The following GRK4 variants were observed in gnomAD, a reference collection of about 807,000 sequenced individuals.
GRK4 encodes the protein G protein-coupled receptor kinase 2-like.
GRK4 carries 73 observed loss-of-function variants against 77.9 expected under a neutral mutation model. The ratio of observed to expected loss-of-function variants is 0.94; its 90% CI spans 0.78 to 1.14. The LOEUF is 1.14. Among genes scored for constraint, GRK4 ranks in the 50% most tolerant of loss-of-function variants. GRK4 has a pLI of 0.00. For missense variants in GRK4, 729 were observed against 700.2 expected (o/e 1.04, Z -0.46); for synonymous variants, 257 against 254.4 (o/e 1.01, Z -0.10).
intron 12 of GRK4, among the ~76,000 whole-genome samples, chr4:3,032,219 C>T (rs920195722): frequency 1.3e-5 from 2 of 151,828 alleles, no homozygotes; most frequent in African/African-American, 4.8e-5. Context: ...TGCGGTGGCT[C>T]ATGCTATAAT....
intron 1 of GRK4, among the ~76,000 whole-genome samples, chr4:2,981,543 A>G (rs757186398): frequency 9.9e-5 from 15 of 152,222 alleles, no homozygotes; most frequent in Non-Finnish European, 1.8e-4. Flanking sequence ...CCCTCAGTGG[A>G]AAGGAGACCC....
At chr4:3,028,711 T>A (rs575567127) in intron 11 of GRK4, among the ~76,000 whole-genome samples, 13 of 152,302 alleles carry the variant, frequency 8.5e-5, no homozygotes, top group African/African-American at 3.1e-4. Context: ...TTGAAGTGTG[T>A]AATACAACGG....
intron 10 of GRK4, 51 bp from the exon 11 acceptor site, chr4:3,027,861 G>T (rs2857844): frequency 1.4e-6 from 2 of 1,441,104 alleles, no homozygotes; most frequent in Non-Finnish European, 1.9e-6. Context: ...TTGTTGTTAC[G>T]GTGTCATTAC....
In GRK4 at chr4:2,965,436, G is replaced by A. The variant is rs189215632; in HGVS notation, c.52+1314G>A. ...TTCTTCACACCCCGTCACTCTTACGGAATTGCTGATTTCCTCTATTTCCTT... is the reference window on the plus strand; with the variant it reads ...TTCTTCACACCCCGTCACTCTTACGAAATTGCTGATTTCCTCTATTTCCTT... On this transcript the variant is annotated intron_variant, in intron 1 of 15. Transcript: ENST00000398052. The A allele has an allele frequency of 3.2e-4, 224 of 703,054 alleles. 1 individual carries two copies. In the African/African-American group the frequency reaches 3.2e-3, roughly 10 times the overall value. 43.6% of individuals were successfully genotyped at this position (703,054 alleles called of 1,614,324 possible).
At chr4:2,991,884 A>G (rs1333428567) in intron 3 of GRK4, among the ~76,000 whole-genome samples, 1 of 152,134 alleles carries the variant, frequency 6.6e-6, no homozygotes, top group African/African-American at 2.4e-5. Flanking sequence ...CTAAAACTTC[A>G]TTAACCTCCT....
chr4:3,025,951 A>T (rs1169469876), intron 10 of GRK4, among the ~76,000 whole-genome samples: 2 of 152,230 alleles, frequency 1.3e-5, no homozygotes, highest in Non-Finnish European at 2.9e-5. Flanking sequence ...TACGGTGGAG[A>T]TGGCTCTGCA....
chr4:3,035,379 C>G lies in GRK4; in HGVS notation c.1270-7C>G, dbSNP rs1320431478. 5.6e-6 allele frequency: 9 copies of G among 1,613,790 alleles called. No homozygotes were observed. The Admixed American group carries it at 8.3e-5, about 15-fold the overall frequency. ...GCTCAAGTGGGTTGCATTTCTGCCTCTTGCAGTTACTCACCAAGAATCCAA... is the reference window on the plus strand; with the variant it reads ...GCTCAAGTGGGTTGCATTTCTGCCTGTTGCAGTTACTCACCAAGAATCCAA... On this transcript the variant is annotated splice_polypyrimidine_tract_variant and splice_region_variant and intron_variant, in intron 12 of 15. Transcript: ENST00000398052.
chr4:3,004,154 C>A, intron 4 of GRK4, 77 bp from the exon 5 acceptor site: 1 of 1,039,350 alleles, frequency 9.6e-7, no homozygotes, highest in South Asian at 1.4e-5. Flanking sequence ...CATTTTTTTA[C>A]AATAAGCATT....
In GRK4 at chr4:3,038,480, C is replaced by G; in HGVS notation, c.1650C>G (p.Asn550Lys). 6.2e-7 allele frequency: 1 copy of G among 1,613,442 alleles called. No individual in the cohort carries two copies. Among genetic ancestry groups the G allele is most frequent in the Admixed American group, 1.7e-5 (1 of 59,938 alleles). ...KNIHTPVSRP[N>K]RGFFYRLFRR... The stretch of plus-strand genomic sequence containing the variant: ...TACATACCCCGGTTTCCAGACCAAA[C>G]AGAGGCTTCTTCTATAGACTCTTCA... The change falls in exon 15 of 16, where the codon AAC (asparagine) becomes AAG (lysine). Residue 550 changes from asparagine to lysine, a missense_variant. Coordinates refer to ENST00000398052, the MANE Select transcript of GRK4 (RefSeq NM_182982.3).
chr4:2,972,677 G>A (rs2109420669), intron 1 of GRK4, among the ~76,000 whole-genome samples: 1 of 152,268 alleles, frequency 6.6e-6, no homozygotes, highest in South Asian at 2.1e-4. Context: ...CGGAGGGGGA[G>A]TCCTGTGTTT....
chr4:3,004,223 G>T lies in GRK4; in HGVS notation c.340-8G>T. ...AATGGTTATGTATTTGGTTTGTACT[G>T]TATTAAGTTGGCAGCCCCTTTACCA... On this transcript the variant is annotated splice_polypyrimidine_tract_variant and splice_region_variant and intron_variant, in intron 4 of 15. Transcript: ENST00000398052. 1 of 1,589,680 alleles carries T rather than the reference G, an allele frequency of 6.3e-7. No homozygotes were observed. Among genetic ancestry groups the T allele is most frequent in the Non-Finnish European group, 8.6e-7 (1 of 1,157,874 alleles).
rs780412255 is a variant in GRK4, at chr4:3,019,754, T to A, written c.855T>A (p.Asp285Glu). The change falls in exon 9 of 16, where the codon GAT becomes GAA. Residue 285 changes from aspartate (D) to glutamate (E), a missense_variant. Coordinates refer to ENST00000398052, the MANE Select transcript of GRK4 (RefSeq NM_182982.3). Reference protein sequence around the residue: ...HIYNLGNPGFDEQRAVFYAAE... With the variant: ...HIYNLGNPGFEEQRAVFYAAE... ...ACAACCTGGGCAATCCCGGCTTTGA[T>A]GAGCAGAGAGCCGTTTTCTATGCTG... The A allele has an allele frequency of 6.2e-7, 1 of 1,614,196 alleles. No homozygotes were observed. Among genetic ancestry groups the A allele is most frequent in the South Asian group, 1.1e-5 (1 of 91,086 alleles).
intron 2 of GRK4, 139 bp from the exon 3 acceptor site, chr4:2,988,588 C>T (rs967085769): frequency 1.8e-6 from 1 of 552,386 alleles, no homozygotes; most frequent in African/African-American, 1.9e-5. Flanking sequence ...ACAACAACAA[C>T]AACAACAAGA....
At chr4:2,969,808 G>C (rs1052366897) in intron 1 of GRK4, among the ~76,000 whole-genome samples, 1 of 152,092 alleles carries the variant, frequency 6.6e-6, no homozygotes, top group African/African-American at 2.4e-5. Context: ...CTCCCAAGTG[G>C]CTGGGACCAC....
Position 3,035,515 on chromosome 4 carries a change from T to C in GRK4, c.1399T>C (p.Cys467Arg). 3 of 1,613,324 alleles carry C rather than the reference T, an allele frequency of 1.9e-6. No homozygotes were observed. Among genetic ancestry groups the C allele is most frequent in the Non-Finnish European group, 2.5e-6 (3 of 1,179,648 alleles). ...LEANMLEPPF[C>R]PDPHAVYCKD... Reference sequence around the variant, plus strand: ...GGCAAACATGCTGGAGCCCCCTTTCTGTCCTGATGTAAGTGCATTGCCAGG... The same window carrying C: ...GGCAAACATGCTGGAGCCCCCTTTCCGTCCTGATGTAAGTGCATTGCCAGG... Residue 467 changes from cysteine (C) to arginine (R), a missense_variant, in exon 13 of 16, where the codon TGT becomes CGT. By Grantham distance (180) the Cys-to-Arg change is radical. Coordinates refer to ENST00000398052, the MANE Select transcript of GRK4 (RefSeq NM_182982.3).
At position 3,022,396 on chromosome 4, in the gene GRK4, T is replaced by C. The variant is rs1458024706; in HGVS notation, c.933-18T>C. The C allele has an allele frequency of 6.2e-7, 1 of 1,612,592 alleles. No homozygotes were observed. Among genetic ancestry groups the C allele is most frequent in the South Asian group, 1.1e-5 (1 of 90,666 alleles). ...CCAACTTCTGAATAATTGGGCCTTT[T>C]GTTGTTGTTTCTTGTAGAGACTTGA... On this transcript the variant is annotated intron_variant, in intron 9 of 15. Coordinates refer to ENST00000398052, the MANE Select transcript of GRK4 (RefSeq NM_182982.3).
At chr4:2,986,465 C>T (rs1578062404) in intron 2 of GRK4, among the ~76,000 whole-genome samples, 2 of 150,562 alleles carry the variant, frequency 1.3e-5, no homozygotes, top group African/African-American at 4.9e-5. Flanking sequence ...CAAGTGATTC[C>T]CTGCCTCAGC....
chr4:3,018,098 T>C (rs1735060222), intron 8 of GRK4, among the ~76,000 whole-genome samples: 1 of 150,624 alleles, frequency 6.6e-6, no homozygotes, highest in South Asian at 2.1e-4. Context: ...TAGATAGAGA[T>C]GGGGGTCTCA....
chr4:3,002,597 G>A, intron 4 of GRK4, among the ~76,000 whole-genome samples: 1 of 152,148 alleles, frequency 6.6e-6, no homozygotes, highest in East Asian at 1.9e-4. Flanking sequence ...CCAGCTGCTT[G>A]GGCGGCTGAG....
Sources: gnomAD v4.1 joint callset for allele counts (sites outside exome capture counted in the v4.1 genomes callset) on GRCh38, gnomAD v4.1.1 for gene constraint, MANE v1.5 for transcripts, NCBI Gene and HGNC (gene_info 2026-07-23, HGNC 2026-07-21) for gene names.